Variants in POGZ observed in about 807,000 individuals in gnomAD.
POGZ encodes the protein pogo transposable element with ZNF domain.
POGZ carries 17 observed loss-of-function variants against 134.6 expected under a neutral mutation model. The ratio of observed to expected loss-of-function variants is 0.13; its 90% confidence interval spans 0.09 to 0.19. The LOEUF (loss-of-function observed/expected upper bound fraction) is 0.19, where lower values mean the gene tolerates loss of function less well. Ranked by LOEUF, POGZ falls within the 10% of genes least tolerant of loss-of-function variation. POGZ has a pLI of 1.00. For missense variants in POGZ, 1,306 were observed against 1,769.7 expected (o/e 0.74, Z 4.70); for synonymous variants, 693 against 657.1 (o/e 1.05, Z -0.84).
Position 151,407,047 on chromosome 1 carries a change from G to GT in POGZ, c.2433-25dup, listed in dbSNP as rs1557870230. The GT allele has an allele frequency of 4.5e-6, 7 of 1,571,306 alleles. No individual in the cohort carries two copies. In the South Asian group the frequency reaches 6.7e-5, roughly 15 times the overall value. ...CACTAAAAAAGAGAATTGAGACTATGTAAGACAAACACAGCAGTGACACTT... is the reference window on the plus strand; with the variant it reads ...CACTAAAAAAGAGAATTGAGACTATGTTAAGACAAACACAGCAGTGACACTT... On this transcript the variant is annotated intron_variant, in intron 16 of 18. Transcript: ENST00000271715.
intron 7 of POGZ, chr1:151,426,165 T>A (rs1410209135): frequency 6.6e-6 from 1 of 152,140 alleles, no homozygotes; most frequent in Non-Finnish European, 1.5e-5. Context: ...AAAGGTCTAT[T>A]CAGTCCTTTG....
chr1:151,402,781 A>C lies in POGZ; in HGVS notation c.*2021T>G, dbSNP rs1221413655. The C allele has an allele frequency of 6.6e-6, 1 of 152,306 alleles. No individual in the cohort carries two copies. The highest frequency in any genetic ancestry group is 2.4e-5 in the African/African-American group (1 of 41,442). The allele number at this position is 152,306 out of a possible 1,614,324, so 9.4% of individuals were successfully genotyped here. A position where few individuals can be genotyped will look rare whatever the true frequency, so the allele number is the denominator to read the frequency against. On this transcript the variant is annotated 3_prime_UTR_variant, in exon 19 of 19. Transcript: ENST00000271715. ...CTGAATTATAAAAAACAAAACCAAA[A>C]AAAAATTTCCTTCTACTACTAAGCC...
At chr1:151,430,904 C>CTTTATTTTACTTTATTTTAT (rs1658576934) in intron 3 of POGZ, 63 bp from the exon 4 acceptor site, 3 of 413,930 alleles carry the variant, frequency 7.2e-6, no homozygotes, top group Admixed American at 5.3e-5. Flanking sequence ...CCACATTTTA[C>CTTTATTTTACTTTATTTTAT]TTTATTTTAT....
At chr1:151,427,588 T>TA in intron 7 of POGZ, 1 of 482,932 alleles carries the variant, frequency 2.1e-6, no homozygotes, top group South Asian at 2.4e-5. Context: ...CACCCATCTT[T>TA]AATCAATCAA....
At chr1:151,441,830 A>G (rs1571537596) in intron 2 of POGZ, among the ~76,000 whole-genome samples, 3 of 152,358 alleles carry the variant, frequency 2.0e-5, no homozygotes, top group Admixed American at 2.0e-4. Context: ...AGACTGCTAG[A>G]TATTTGATAA....
chr1:151,412,657 A>C (rs1654873425), intron 10 of POGZ, among the ~76,000 whole-genome samples: 1 of 151,908 alleles, frequency 6.6e-6, no homozygotes, highest in African/African-American at 2.4e-5. Flanking sequence ...TCTATCGTCA[A>C]CTCTAACCTA....
rs780015276 is a variant in POGZ at position 151,441,123 on chromosome 1, G to A, written c.125-37C>T. On this transcript the variant is annotated intron_variant, in intron 2 of 18. Transcript: ENST00000271715. ...GGGAGGCATAGTCACTTGGAGACAG[G>A]GACAGATGACACTAAAGGATACTGC... is the stretch of plus-strand genomic sequence containing the variant. 1.9e-6 allele frequency: 3 copies of A among 1,577,828 alleles called. No homozygotes were observed. In the South Asian group the frequency reaches 3.4e-5, roughly 18 times the overall value.
intron 1 of POGZ, among the ~76,000 whole-genome samples, chr1:151,449,102 A>G (rs1277061329): frequency 6.6e-6 from 1 of 152,192 alleles, no homozygotes; most frequent in Non-Finnish European, 1.5e-5. Flanking sequence ...CGAACCTTCA[A>G]TTAAATTCCC....
At chr1:151,443,287 T>TCC (rs1355188110) in intron 1 of POGZ, among the ~76,000 whole-genome samples, 2 of 152,214 alleles carry the variant, frequency 1.3e-5, no homozygotes, top group Non-Finnish European at 2.9e-5. Flanking sequence ...CATACTCTAG[T>TCC]CCCAGTCCTA....
chr1:151,454,298 C>A (rs933512712), intron 1 of POGZ, among the ~76,000 whole-genome samples: 9 of 152,148 alleles, frequency 5.9e-5, no homozygotes. Flanking sequence ...ATTATGTTTT[C>A]AAGTTACCTC....
Position 151,404,673 on chromosome 1 carries a change from G to T in POGZ, c.*129C>A. ...GGGAAGTGTAAGTCAACTTCAGGGG[G>T]GAGTGGTGGTATAAAATTAAAAAAT... On this transcript the variant is annotated 3_prime_UTR_variant, in exon 19 of 19. Coordinates refer to ENST00000271715, the MANE Select transcript of POGZ (RefSeq NM_015100.4). 7.1e-7 allele frequency: 1 copy of T among 1,415,854 alleles called. No individual in the cohort carries two copies. Among genetic ancestry groups the T allele is most frequent in the Admixed American group, 3.0e-5 (1 of 32,958 alleles). The allele number at this position is 1,415,854 out of a possible 1,614,324, so 87.7% of individuals were successfully genotyped here. A position where few individuals can be genotyped will look rare whatever the true frequency, so the allele number is the denominator to read the frequency against.
chr1:151,425,285 T>C (rs1657580884), intron 7 of POGZ: 1 of 398,856 alleles, frequency 2.5e-6, no homozygotes, highest in Non-Finnish European at 4.8e-6. Flanking sequence ...CACTGCAGCC[T>C]TGACCTCCCT....
rs902749400 is a variant in POGZ, at chr1:151,412,458, A to T, written c.1679-62T>A. 5 of 885,408 alleles carry T rather than the reference A, an allele frequency of 5.6e-6. No homozygotes were observed. The South Asian group carries it at 7.0e-5, about 12-fold the overall frequency. The allele number at this position is 885,408 out of a possible 1,614,324, so 54.8% of individuals were successfully genotyped here. A position where few individuals can be genotyped will look rare whatever the true frequency, so the allele number is the denominator to read the frequency against. ...AATAAGACAAAAGTCCTGCTGACTCACAATCTTTATTTTCTCTGCCTCCTT... is the reference window on the plus strand; with the variant it reads ...AATAAGACAAAAGTCCTGCTGACTCTCAATCTTTATTTTCTCTGCCTCCTT... On this transcript the variant is annotated intron_variant, in intron 10 of 18. Coordinates refer to ENST00000271715, the MANE Select transcript of POGZ (RefSeq NM_015100.4).
At chr1:151,442,294 T>C (rs1660657360) in intron 1 of POGZ, 89 bp from the exon 2 acceptor site, 9 of 1,169,772 alleles carry the variant, frequency 7.7e-6, no homozygotes, top group Non-Finnish European at 9.7e-6. Flanking sequence ...TTGACTCCAT[T>C]GGTAACCTAC....
At chr1:151,437,651 G>T (rs1571512727) in intron 3 of POGZ, among the ~76,000 whole-genome samples, 1 of 151,798 alleles carries the variant, frequency 6.6e-6, no homozygotes, top group African/African-American at 2.4e-5. Flanking sequence ...ACTGGGGTGG[G>T]TGAGGCATGA....
intron 12 of POGZ, among the ~76,000 whole-genome samples, chr1:151,409,862 G>C (rs568946748): frequency 2.0e-5 from 3 of 152,314 alleles, no homozygotes; most frequent in African/African-American, 4.8e-5. Context: ...AGTCTGCCTA[G>C]TATTGAAGTC....
Position 151,428,224 on chromosome 1 carries a change from G to GGAGTGGACTTGGTCT in POGZ, c.743_757dup (p.Gln248_Thr252dup), listed in dbSNP as rs1553226154. 1 of 1,614,018 alleles carries GGAGTGGACTTGGTCT rather than the reference G, an allele frequency of 6.2e-7. No individual in the cohort carries two copies. Among genetic ancestry groups the GGAGTGGACTTGGTCT allele is most frequent in the African/African-American group, 1.3e-5 (1 of 75,000 alleles). Reference sequence around the variant, plus strand: ...GGCAGTGGGAGTGGTAGAAGTGCTGGGAGTGGACTTGGTCTGCTGGGACTG... The same window carrying GGAGTGGACTTGGTCT: ...GGCAGTGGGAGTGGTAGAAGTGCTGGGAGTGGACTTGGTCTGAGTGGACTTGGTCTGCTGGGACTG... On this transcript the variant is annotated inframe_insertion, in exon 6 of 19. Coordinates refer to ENST00000271715, the MANE Select transcript of POGZ (RefSeq NM_015100.4).
chr1:151,405,530 C>T lies in POGZ; in HGVS notation c.3505G>A (p.Val1169Ile), dbSNP rs750942347. ...VVLAILADGT[V>I]LPTLVFYRGQ... is the part of the protein sequence containing the mutation. ...CTGTAGAAAACCAGGGTGGGAAGGA[C>T]AGTGCCATCTGCCAGAATGGCTAGG... is the stretch of plus-strand genomic sequence containing the variant. The change falls in exon 19 of 19, where the codon GTC becomes ATC. Residue 1169 changes from valine to isoleucine, a missense_variant. By Grantham distance (29) the Val-to-Ile change is conservative. Around this residue, in one of 10 missense-constraint regions of POGZ, gnomAD observed 161 missense variants for 185.4 expected, o/e 0.87. Transcript: ENST00000271715. The surrounding 1 kb of genome is among the most constrained non-coding windows in gnomAD (Gnocchi z 4.9). 1.9e-6 allele frequency: 3 copies of T among 1,614,236 alleles called. No homozygotes were observed. The South Asian group carries it at 3.3e-5, about 18-fold the overall frequency.
intron 1 of POGZ, among the ~76,000 whole-genome samples, chr1:151,446,327 T>C (rs1193646409): frequency 2.0e-5 from 3 of 151,126 alleles, no homozygotes; most frequent in African/African-American, 7.3e-5. Flanking sequence ...TGGATACTTA[T>C]CACACTAAAA....
Sources: gnomAD v4.1 joint callset for allele counts (sites outside exome capture counted in the v4.1 genomes callset) on GRCh38, gnomAD v4.1.1 for gene constraint, gnomAD v4.1.1 regional missense constraint, Gnocchi (gnomAD v3.1) non-coding constraint, MANE v1.5 for transcripts, NCBI Gene and HGNC (gene_info 2026-07-23, HGNC 2026-07-21) for gene names.